The following ANKRD31 variants were observed in gnomAD, a reference collection of about 807,000 sequenced individuals.
The protein encoded by ANKRD31 is ankyrin repeat domain-containing protein 31.
Under a neutral mutation model 186.0 loss-of-function variants are expected in ANKRD31, and 147 were observed. The observed-to-expected ratio is 0.79, with a 90% confidence interval of 0.69 to 0.91. The LOEUF (loss-of-function observed/expected upper bound fraction) is 0.91, where lower values mean the gene tolerates loss of function less well. ANKRD31 is among the 40% of genes least tolerant of loss of function. ANKRD31 has a pLI of 0.00. For synonymous variants in ANKRD31, 673 were observed against 736.4 expected (o/e 0.91, Z 1.39); for missense variants, 1,986 against 2,148.8 (o/e 0.92, Z 1.50).
intron 23 of ANKRD31, among the ~76,000 whole-genome samples, chr5:75,085,901 T>C (rs1231695976): frequency 6.6e-6 from 1 of 152,226 alleles, no homozygotes; most frequent in African/African-American, 2.4e-5. Context: ...CTAGGGGATC[T>C]TAAAGGTACA....
At chr5:75,103,861 G>T (rs916751608) in intron 22 of ANKRD31, among the ~76,000 whole-genome samples, 1 of 152,158 alleles carries the variant, frequency 6.6e-6, no homozygotes, top group Non-Finnish European at 1.5e-5. Context: ...GAGTGCAGTT[G>T]GGGGAGGGAG....
chr5:75,146,649 G>A lies in ANKRD31; in HGVS notation c.2762C>T (p.Ser921Phe). Residue 921 changes from serine to phenylalanine, a missense_variant, in exon 14 of 26, where the codon TCT (serine) becomes TTT (phenylalanine). Ser to Phe is a radical substitution (Grantham distance 155). Transcript: ENST00000506364. ...KAITSKKVLC[S>F]TGGKKHYNFK... is the part of the protein sequence containing the mutation. The stretch of plus-strand genomic sequence containing the variant: ...ATTATAGTGTTTTTTGCCACCTGTA[G>A]AACACAACACCTTTTTAGATGTTAT... 3 of 1,535,998 alleles carry A rather than the reference G, an allele frequency of 2.0e-6. No homozygotes were observed. The highest frequency in any genetic ancestry group is 2.6e-6 in the Non-Finnish European group (3 of 1,146,190).
intron 24 of ANKRD31, among the ~76,000 whole-genome samples, chr5:75,082,253 G>C (rs1455753814): frequency 6.6e-6 from 1 of 152,184 alleles, no homozygotes; most frequent in Non-Finnish European, 1.5e-5. Flanking sequence ...AGTTAGGAAA[G>C]GAATGTAGTT....
intron 2 of ANKRD31, among the ~76,000 whole-genome samples, chr5:75,222,902 A>T (rs537931590): frequency 3.9e-5 from 6 of 152,226 alleles, no homozygotes; most frequent in Non-Finnish European, 8.8e-5. Context: ...TGCAGTAAAC[A>T]TACATGTGCA....
intron 6 of ANKRD31, among the ~76,000 whole-genome samples, chr5:75,197,641 C>T (rs1358838024): frequency 1.3e-5 from 2 of 152,158 alleles, no homozygotes; most frequent in Non-Finnish European, 2.9e-5. Context: ...CCAGATCCTA[C>T]TCACTCTCTA....
At chr5:75,128,866 A>G (rs1749485382) in intron 17 of ANKRD31, among the ~76,000 whole-genome samples, 1 of 152,088 alleles carries the variant, frequency 6.6e-6, no homozygotes, top group African/African-American at 2.4e-5. Context: ...CAGCAGGTTC[A>G]TCACTTTAAT....
At chr5:75,156,252 T>C (rs1407755954) in intron 11 of ANKRD31, among the ~76,000 whole-genome samples, 2 of 152,138 alleles carry the variant, frequency 1.3e-5, no homozygotes, top group Non-Finnish European at 2.9e-5. Flanking sequence ...TTTGAGATAA[T>C]AACTAGGTGG....
intron 10 of ANKRD31, among the ~76,000 whole-genome samples, chr5:75,183,005 T>G (rs2150223963): frequency 6.6e-6 from 1 of 152,204 alleles, no homozygotes; most frequent in African/African-American, 2.4e-5. Flanking sequence ...GGGCAAAATC[T>G]TCAACAAAAT....
At chr5:75,229,648 C>A (rs143913311) in intron 2 of ANKRD31, among the ~76,000 whole-genome samples, 3,954 of 152,038 alleles carry the variant, frequency 0.026, 157 homozygotes, top group African/African-American at 0.09. Context: ...GGGCAGATCA[C>A]GAGGTCAGGA....
At chr5:75,206,996 C>A (rs1320098865) in intron 4 of ANKRD31, among the ~76,000 whole-genome samples, 27 of 152,116 alleles carry the variant, frequency 1.8e-4, no homozygotes. Context: ...AAATAAGGGT[C>A]ATGCCTAATC....
intron 17 of ANKRD31, among the ~76,000 whole-genome samples, chr5:75,119,281 TCTA>T (rs989084239): frequency 6.6e-6 from 1 of 152,182 alleles, no homozygotes; most frequent in African/African-American, 2.4e-5. Flanking sequence ...AGTCTCAGTA[TCTA>T]CTGTTCTCAT....
Position 75,104,421 on chromosome 5 carries a change from T to G in ANKRD31, c.5138A>C (p.Lys1713Thr), listed in dbSNP as rs1390858121. 4 of 1,537,250 alleles carry G rather than the reference T, an allele frequency of 2.6e-6. No homozygotes were observed. In the East Asian group the frequency reaches 7.3e-5, roughly 28 times the overall value. Residue 1713 changes from lysine (K) to threonine (T), a missense_variant, in exon 22 of 26, where the codon AAA becomes ACA. Physicochemically the swap from Lys to Thr is moderately conservative, Grantham distance 78. Coordinates refer to ENST00000506364, the MANE Select transcript of ANKRD31 (RefSeq NM_001372053.1). ...DTVHQMKPYL[K>T]KSVSVVPCAD... ...ACATGGAACAACAGAAACTGATTTTTTAAGATATGGTTTCATCTGATGCAC... is the reference window on the plus strand; with the variant it reads ...ACATGGAACAACAGAAACTGATTTTGTAAGATATGGTTTCATCTGATGCAC...
chr5:75,137,025 A>C (rs1750640897), intron 17 of ANKRD31, among the ~76,000 whole-genome samples: 1 of 143,570 alleles, frequency 7.0e-6, no homozygotes, highest in Non-Finnish European at 1.5e-5. Context: ...GGGTGGGGGT[A>C]GGGGGGAGGG....
At chr5:75,159,282 G>A (rs1205047064) in intron 11 of ANKRD31, among the ~76,000 whole-genome samples, 1 of 152,020 alleles carries the variant, frequency 6.6e-6, no homozygotes, top group Non-Finnish European at 1.5e-5. Context: ...AGGAGTTCCA[G>A]AAAGACAGGA....
intron 11 of ANKRD31, among the ~76,000 whole-genome samples, chr5:75,162,771 A>T (rs1752658554): frequency 6.6e-6 from 1 of 152,184 alleles, no homozygotes; most frequent in African/African-American, 2.4e-5. Context: ...GTTTTAATGA[A>T]AAATCTACTT....
chr5:75,071,648 A>C (rs1033429251), intron 25 of ANKRD31, among the ~76,000 whole-genome samples: 2 of 151,876 alleles, frequency 1.3e-5, no homozygotes, highest in Non-Finnish European at 2.9e-5. Context: ...GGCACCCACC[A>C]CCACGCCCGG....
chr5:75,101,509 C>T, intron 22 of ANKRD31, among the ~76,000 whole-genome samples: 1 of 152,134 alleles, frequency 6.6e-6, no homozygotes, highest in Non-Finnish European at 1.5e-5. Context: ...GGATAATATC[C>T]TGAAGAGTGT....
chr5:75,215,135 G>A (rs948256424), intron 3 of ANKRD31, among the ~76,000 whole-genome samples: 6 of 152,090 alleles, frequency 3.9e-5, no homozygotes, highest in South Asian at 4.1e-4. Flanking sequence ...GAAATCATCC[G>A]GGAGAGCTAA....
At chr5:75,180,095 A>C (rs559950760) in intron 10 of ANKRD31, among the ~76,000 whole-genome samples, 160 of 152,328 alleles carry the variant, frequency 1.1e-3, no homozygotes, top group Middle Eastern at 0.01. Flanking sequence ...TATAACAGAC[A>C]AACAGAGAGC....
Sources: gnomAD v4.1 joint callset for allele counts (sites outside exome capture counted in the v4.1 genomes callset) on GRCh38, gnomAD v4.1.1 for gene constraint, MANE v1.5 for transcripts, NCBI Gene and HGNC (gene_info 2026-07-23, HGNC 2026-07-21) for gene names.